Variants in SEMA6D observed in about 807,000 individuals in gnomAD.
SEMA6D encodes the protein semaphorin-6D.
In SEMA6D, 35 loss-of-function variants were observed where a neutral mutation model predicts 106.6. The ratio of observed to expected loss-of-function variants is 0.33; its 90% confidence interval spans 0.25 to 0.44. The LOEUF is 0.44. SEMA6D is among the 20% of genes least tolerant of loss of function. SEMA6D has a pLI of 1.00. For synonymous variants in SEMA6D, 499 were observed against 487.7 expected (o/e 1.02, Z -0.31); for missense variants, 1,185 against 1,345.9 (o/e 0.88, Z 1.87).
intron 4 of SEMA6D, among the ~76,000 whole-genome samples, chr15:47,632,670 G>T (rs1424750132): frequency 6.6e-6 from 1 of 151,880 alleles, no homozygotes; most frequent in Non-Finnish European, 1.5e-5. Context: ...TATTGAGTTT[G>T]AAGTGAGTTT....
chr15:47,489,379 A>G (rs534336896), intron 3 of SEMA6D, among the ~76,000 whole-genome samples: 2 of 152,296 alleles, frequency 1.3e-5, no homozygotes, highest in Admixed American at 1.3e-4. Flanking sequence ...CAGCAGCCCA[A>G]ATAAACTAAT....
At chr15:47,196,307 G>A (rs930824) in intron 1 of SEMA6D, among the ~76,000 whole-genome samples, 276 of 152,264 alleles carry the variant, frequency 1.8e-3, no homozygotes, top group African/African-American at 6.2e-3. Flanking sequence ...TGCACCCGGA[G>A]GGTAATTGAG....
intron 4 of SEMA6D, among the ~76,000 whole-genome samples, chr15:47,638,218 T>C (rs1263950764): frequency 6.6e-6 from 1 of 152,190 alleles, no homozygotes; most frequent in African/African-American, 2.4e-5. Context: ...TGTGTGATGA[T>C]GCTGTCCAAT....
chr15:47,227,882 C>CATATATATTTTATATAGATAAGAATCTT (rs2031855102), intron 1 of SEMA6D, among the ~76,000 whole-genome samples: 2 of 100,172 alleles, frequency 2.0e-5, no homozygotes, highest in South Asian at 5.9e-4. Context: ...ATATAAGAAT[C>CATATATATTTTATATAGATAAGAATCTT]ATATATATTT....
intron 4 of SEMA6D, among the ~76,000 whole-genome samples, chr15:47,692,362 A>G (rs2078606679): frequency 6.6e-6 from 1 of 152,040 alleles, no homozygotes; most frequent in Admixed American, 6.6e-5. Context: ...AGAATATTAA[A>G]TGTGCACCCA....
intron 3 of SEMA6D, among the ~76,000 whole-genome samples, chr15:47,502,528 A>G (rs16959592): frequency 0.032 from 4,902 of 152,298 alleles, 176 homozygotes; most frequent in African/African-American, 0.093. Flanking sequence ...TGAAGTGCAA[A>G]TGGAAAAAAC....
chr15:47,337,996 A>G (rs973693606), intron 1 of SEMA6D, among the ~76,000 whole-genome samples: 3 of 152,214 alleles, frequency 2.0e-5, no homozygotes, highest in African/African-American at 7.2e-5. Context: ...AACTGAGACT[A>G]AGAGTGAATG....
chr15:47,208,963 G>T (rs7169820), intron 1 of SEMA6D, among the ~76,000 whole-genome samples: 62,259 of 151,992 alleles, frequency 0.41, 13,508 homozygotes, highest in African/African-American at 0.53. Context: ...TCACTAATAA[G>T]AAGGAGTCCA....
At chr15:47,592,779 T>C (rs899803543) in intron 3 of SEMA6D, among the ~76,000 whole-genome samples, 4 of 152,252 alleles carry the variant, frequency 2.6e-5, no homozygotes, top group Non-Finnish European at 4.4e-5. Context: ...ATTCTAACTG[T>C]AGTCCATAAT....
At chr15:47,686,978 A>G (rs2078483005) in intron 4 of SEMA6D, among the ~76,000 whole-genome samples, 2 of 150,614 alleles carry the variant, frequency 1.3e-5, no homozygotes, top group African/African-American at 4.9e-5. Context: ...AGGCAGGAAG[A>G]TCGCTTGAGC....
At chr15:47,303,786 C>T (rs1486521914) in intron 1 of SEMA6D, among the ~76,000 whole-genome samples, 1 of 152,148 alleles carries the variant, frequency 6.6e-6, no homozygotes. Flanking sequence ...CAGTGTTGAT[C>T]ATGGCACTAT....
At chr15:47,463,447 C>A (rs1321280487) in intron 2 of SEMA6D, among the ~76,000 whole-genome samples, 2 of 152,150 alleles carry the variant, frequency 1.3e-5, no homozygotes, top group African/African-American at 2.4e-5. Context: ...ACATGCAGTA[C>A]ATTTGCATTT....
intron 4 of SEMA6D, among the ~76,000 whole-genome samples, chr15:47,700,940 C>T (rs2078798267): frequency 2.0e-5 from 3 of 152,124 alleles, no homozygotes; most frequent in Non-Finnish European, 2.9e-5. Flanking sequence ...AGACAGAGAC[C>T]TTATACCTTT....
chr15:47,647,792 A>G (rs2077610438), intron 4 of SEMA6D, among the ~76,000 whole-genome samples: 1 of 152,186 alleles, frequency 6.6e-6, no homozygotes, highest in African/African-American at 2.4e-5. Flanking sequence ...ATAGCCTGAA[A>G]TATTCTACAG....
rs77588012 is a variant in SEMA6D at position 47,207,462 on chromosome 15, T to A, written c.-239+23044T>A. Among the ~76,000 whole-genome samples the A allele has an allele frequency of 1.3e-4, 20 of 152,312 alleles. 1 individual carries two copies. The East Asian group carries it at 3.9e-3, about 29-fold the overall frequency. The stretch of plus-strand genomic sequence containing the variant: ...TTGGAAAACCATTATTTTATTACCC[T>A]TTTCCAATAATACTGACCTAGAAAC... On this transcript the variant is annotated intron_variant, in intron 1 of 19. Coordinates refer to the SEMA6D transcript ENST00000558014.
At chr15:47,559,480 C>G (rs1440605874) in intron 3 of SEMA6D, among the ~76,000 whole-genome samples, 1 of 152,088 alleles carries the variant, frequency 6.6e-6, no homozygotes, top group Non-Finnish European at 1.5e-5. Flanking sequence ...ACAAACAGCC[C>G]TGCTACCCAT....
At chr15:47,209,134 A>G (rs147649303) in intron 1 of SEMA6D, among the ~76,000 whole-genome samples, 3 of 152,352 alleles carry the variant, frequency 2.0e-5, no homozygotes, top group Admixed American at 6.5e-5. Context: ...TATATATAGT[A>G]TAGTTCAATA....
intron 1 of SEMA6D, among the ~76,000 whole-genome samples, chr15:47,755,624 C>T (rs2081676304): frequency 6.6e-6 from 1 of 151,948 alleles, no homozygotes; most frequent in Admixed American, 6.6e-5. Context: ...TTTTGTAAAA[C>T]ATGGTTTACC....
intron 4 of SEMA6D, among the ~76,000 whole-genome samples, chr15:47,650,277 T>G (rs1376102863): frequency 6.6e-6 from 1 of 152,166 alleles, no homozygotes; most frequent in South Asian, 2.1e-4. Flanking sequence ...TAACAGTCCA[T>G]ACACCAGGCT....
Sources: gnomAD v4.1 joint callset for allele counts (sites outside exome capture counted in the v4.1 genomes callset) on GRCh38, gnomAD v4.1.1 for gene constraint, MANE v1.5 for transcripts, NCBI Gene and HGNC (gene_info 2026-07-23, HGNC 2026-07-21) for gene names.